GABRB2: variants seen among roughly 807,000 people sequenced by gnomAD.
GABRB2 encodes gamma-aminobutyric acid receptor subunit beta-2.
Under a neutral mutation model 54.7 loss-of-function variants are expected in GABRB2, and 16 were observed. The ratio of observed to expected loss-of-function variants is 0.29; its 90% CI spans 0.20 to 0.44. GABRB2 has a LOEUF of 0.44. Among genes scored for constraint, GABRB2 ranks in the 20% least tolerant of loss-of-function variants. The probability of loss-of-function intolerance (pLI) is 1.00; values close to 1 mark genes in which losing one functional copy is unlikely to be tolerated. For synonymous variants in GABRB2, 244 were observed against 233.8 expected (o/e 1.04, Z -0.40); for missense variants, 355 against 644.0 (o/e 0.55, Z 4.86).
At chr5:161,523,374 T>A (rs1472540789) in intron 3 of GABRB2, among the ~76,000 whole-genome samples, 1 of 151,500 alleles carries the variant, frequency 6.6e-6, no homozygotes, top group Non-Finnish European at 1.5e-5. Context: ...AAAATCCGAC[T>A]GTGTTACATT....
chr5:161,509,659 C>T (rs1345637221), intron 3 of GABRB2, among the ~76,000 whole-genome samples: 1 of 151,946 alleles, frequency 6.6e-6, no homozygotes, highest in East Asian at 1.9e-4. Context: ...CACATCACCA[C>T]CTTCAAGGAG....
chr5:161,503,391 A>T (rs939894528), intron 3 of GABRB2, among the ~76,000 whole-genome samples: 2 of 152,162 alleles, frequency 1.3e-5, no homozygotes, highest in Non-Finnish European at 2.9e-5. Context: ...ACTTAGGACA[A>T]ATGGAAAAGA....
Position 161,382,505 on chromosome 5 carries a change from T to A in GABRB2, c.541+28470A>T, listed in dbSNP as rs559328161. Among the ~76,000 whole-genome samples, 3 of 151,512 alleles carry A rather than the reference T, an allele frequency of 2.0e-5. No individual in the cohort carries two copies. In the East Asian group the frequency reaches 5.8e-4, roughly 29 times the overall value. On this transcript the variant is annotated intron_variant, in intron 5 of 9. Coordinates refer to ENST00000393959, the MANE Select transcript of GABRB2 (RefSeq NM_001371727.1). ...AATGATACCATATCAATAACACTTC[T>A]GTTAAAAAAAAAGACTGCTTATTCC...
chr5:161,303,431 A>G (rs1409327508), intron 9 of GABRB2, among the ~76,000 whole-genome samples: 1 of 152,156 alleles, frequency 6.6e-6, no homozygotes, highest in Non-Finnish European at 1.5e-5. Flanking sequence ...AAATTAATGA[A>G]TTCATTCTTT....
intron 3 of GABRB2, among the ~76,000 whole-genome samples, chr5:161,462,964 G>A (rs952080264): frequency 7.9e-5 from 12 of 151,880 alleles, no homozygotes; most frequent in Non-Finnish European, 1.3e-4. Context: ...CTCCACCTTT[G>A]GGAACTTGTC....
Position 161,295,587 on chromosome 5 carries a change from C to T in GABRB2, c.1192-1159G>A, listed in dbSNP as rs117962662. Among the ~76,000 whole-genome samples the T allele has an allele frequency of 5.3e-4, 81 of 152,212 alleles. 2 individuals carry two copies. In the East Asian group the frequency reaches 0.012, roughly 22 times the overall value. The stretch of plus-strand genomic sequence containing the variant: ...TATGGAAACAAGGCATATAACCAAA[C>T]GCTTAATTGGAAGATACAATGCTCT... On this transcript the variant is annotated intron_variant, in intron 9 of 9. Coordinates refer to ENST00000393959, the MANE Select transcript of GABRB2 (RefSeq NM_001371727.1).
intron 5 of GABRB2, among the ~76,000 whole-genome samples, chr5:161,386,097 T>G (rs1312085188): frequency 1.3e-5 from 2 of 152,040 alleles, no homozygotes; most frequent in Admixed American, 1.3e-4. Flanking sequence ...TCCACAGATT[T>G]GTAATTTGAT....
intron 3 of GABRB2, among the ~76,000 whole-genome samples, chr5:161,484,404 G>T (rs1758856564): frequency 1.3e-5 from 2 of 151,854 alleles, no homozygotes; most frequent in Non-Finnish European, 2.9e-5. Context: ...ATGGTTAAGT[G>T]TAACTGCACA....
intron 5 of GABRB2, 53 bp downstream of exon 5, chr5:161,410,922 C>G: frequency 7.1e-7 from 1 of 1,401,598 alleles, no homozygotes; most frequent in South Asian, 1.2e-5. Flanking sequence ...GAGGCCTCTG[C>G]GTAAGAACCT....
At chr5:161,419,209 T>C (rs1365956098) in intron 4 of GABRB2, among the ~76,000 whole-genome samples, 1 of 152,124 alleles carries the variant, frequency 6.6e-6, no homozygotes, top group Non-Finnish European at 1.5e-5. Context: ...TATGAAAAAA[T>C]GTTCAACATC....
chr5:161,471,806 G>T (rs754176625), intron 3 of GABRB2, among the ~76,000 whole-genome samples: 1 of 151,730 alleles, frequency 6.6e-6, no homozygotes, highest in Non-Finnish European at 1.5e-5. Context: ...TGATTTATTC[G>T]CTATCAATTT....
intron 9 of GABRB2, among the ~76,000 whole-genome samples, chr5:161,308,376 A>T (rs1312235797): frequency 6.6e-6 from 1 of 152,222 alleles, no homozygotes; most frequent in Admixed American, 6.5e-5. Context: ...AGAGAAAAAC[A>T]TTCCATGCTA....
chr5:161,424,000 G>A (rs1756926331), intron 4 of GABRB2, among the ~76,000 whole-genome samples: 1 of 152,136 alleles, frequency 6.6e-6, no homozygotes, highest in African/African-American at 2.4e-5. Context: ...CCCTTAAGCT[G>A]AAGCCTAATC....
intron 4 of GABRB2, among the ~76,000 whole-genome samples, chr5:161,416,724 A>AAAAAAAAAAAAAAAAAAAAAAAAAAAG (rs1756686189): frequency 6.8e-6 from 1 of 146,146 alleles, no homozygotes; most frequent in Non-Finnish European, 1.5e-5. Context: ...AAAAAAAAAA[A>AAAAAAAAAAAAAAAAAAAAAAAAAAAG]ATTAGATGCC....
intron 3 of GABRB2, among the ~76,000 whole-genome samples, chr5:161,520,233 C>A (rs996831681): frequency 2.0e-5 from 3 of 152,084 alleles, no homozygotes; most frequent in Non-Finnish European, 4.4e-5. Context: ...GTAGGTTAAG[C>A]GCTGTAGCTT....
intron 3 of GABRB2, among the ~76,000 whole-genome samples, chr5:161,503,037 G>T (rs184167543): frequency 2.0e-5 from 3 of 152,106 alleles, no homozygotes; most frequent in African/African-American, 7.2e-5. Context: ...AAACATTAAA[G>T]GAACTCCTAG....
intron 3 of GABRB2, among the ~76,000 whole-genome samples, chr5:161,484,826 A>G (rs1005353241): frequency 5.3e-5 from 8 of 151,930 alleles, no homozygotes; most frequent in African/African-American, 1.7e-4. Context: ...CACTTTTGCT[A>G]AAGACAGCTT....
upstream of GABRB2, chr5:161,546,760 G>C: frequency 1.3e-6 from 2 of 1,502,542 alleles, no homozygotes. Flanking sequence ...AAACATCAAA[G>C]GGGAAGCGGC....
At chr5:161,388,849 C>T (rs939460043) in intron 5 of GABRB2, among the ~76,000 whole-genome samples, 2 of 151,806 alleles carry the variant, frequency 1.3e-5, no homozygotes, top group African/African-American at 2.4e-5. Flanking sequence ...AATAGTTAGG[C>T]TTTATTTTTG....
Sources: gnomAD v4.1 joint callset for allele counts (sites outside exome capture counted in the v4.1 genomes callset) on GRCh38, gnomAD v4.1.1 for gene constraint, MANE v1.5 for transcripts, NCBI Gene and HGNC (gene_info 2026-07-23, HGNC 2026-07-21) for gene names.